Variants in NKAIN3 observed in about 807,000 individuals in gnomAD.
The protein encoded by NKAIN3 is sodium/potassium transporting ATPase interacting 3.
In NKAIN3, 25 loss-of-function variants were observed where a neutral mutation model predicts 30.2. The observed-to-expected ratio is 0.83, with a 90% CI of 0.60 to 1.16. The LOEUF is 1.16. NKAIN3 is among the 50% of genes most tolerant of loss of function. The pLI is 0.00. For synonymous variants in NKAIN3, 91 were observed against 89.6 expected, an observed-to-expected ratio of 1.02 and a Z score of -0.09; for missense variants, 225 against 254.1, an observed-to-expected ratio of 0.89 and a Z score of 0.78.
intron 1 of NKAIN3, among the ~76,000 whole-genome samples, chr8:62,285,936 G>A (rs1407617040): frequency 1.3e-5 from 2 of 152,156 alleles, no homozygotes; most frequent in African/African-American, 4.8e-5. Context: ...GCATGTGGGC[G>A]TATTTATGTA....
intron 1 of NKAIN3, among the ~76,000 whole-genome samples, chr8:62,333,462 A>T (rs1815423645): frequency 6.6e-6 from 1 of 152,102 alleles, no homozygotes; most frequent in Admixed American, 6.6e-5. Flanking sequence ...TAGGTGTACC[A>T]GGGGCTACTT....
intron 1 of NKAIN3, among the ~76,000 whole-genome samples, chr8:62,352,662 C>CT (rs1418066920): frequency 1.3e-5 from 2 of 152,124 alleles, no homozygotes; most frequent in African/African-American, 4.8e-5. Flanking sequence ...GAAAAGGTTG[C>CT]TTTTTATCTC....
At chr8:62,850,880 C>G (rs1419901753) in intron 4 of NKAIN3, among the ~76,000 whole-genome samples, 1 of 152,064 alleles carries the variant, frequency 6.6e-6, no homozygotes, top group Non-Finnish European at 1.5e-5. Context: ...AGTTTGAAGT[C>G]AGGTAGCGTG....
At chr8:62,871,622 G>A (rs938549238) in intron 4 of NKAIN3, among the ~76,000 whole-genome samples, 1 of 152,218 alleles carries the variant, frequency 6.6e-6, no homozygotes, top group Non-Finnish European at 1.5e-5. Flanking sequence ...CTGAAGTCAG[G>A]GCATGGGATG....
At chr8:62,355,966 G>A (rs1816339226) in intron 1 of NKAIN3, among the ~76,000 whole-genome samples, 1 of 152,058 alleles carries the variant, frequency 6.6e-6, no homozygotes, top group Admixed American at 6.6e-5. Context: ...GTAGTTTGTG[G>A]CTTTTAAAGA....
chr8:62,670,588 C>T (rs560389662), intron 3 of NKAIN3, among the ~76,000 whole-genome samples: 31 of 148,536 alleles, frequency 2.1e-4, no homozygotes, highest in African/African-American at 7.9e-4. Context: ...TAGTCTCTTC[C>T]TAATAGGCCC....
chr8:62,398,554 T>C (rs895915644), intron 1 of NKAIN3, among the ~76,000 whole-genome samples: 1 of 152,190 alleles, frequency 6.6e-6, no homozygotes, highest in African/African-American at 2.4e-5. Flanking sequence ...AAGTACATGG[T>C]AGTAATTTAA....
chr8:62,948,488 G>A (rs564930097), intron 5 of NKAIN3, among the ~76,000 whole-genome samples: 9 of 152,214 alleles, frequency 5.9e-5, no homozygotes, highest in African/African-American at 1.9e-4. Context: ...GTGAGCCACC[G>A]CACCTGGCCA....
chr8:62,350,444 G>A (rs1816144635), intron 1 of NKAIN3, among the ~76,000 whole-genome samples: 1 of 152,074 alleles, frequency 6.6e-6, no homozygotes, highest in South Asian at 2.1e-4. Context: ...AAAGAGTGGT[G>A]GTTACTGGGG....
At chr8:62,756,656 C>A (rs557549300) in intron 4 of NKAIN3, among the ~76,000 whole-genome samples, 4 of 152,098 alleles carry the variant, frequency 2.6e-5, no homozygotes, top group Non-Finnish European at 5.9e-5. Context: ...ACACGGATGC[C>A]TGGTCTTATA....
intron 3 of NKAIN3, among the ~76,000 whole-genome samples, chr8:62,614,722 T>G (rs1233782239): frequency 1.3e-5 from 2 of 152,026 alleles, no homozygotes; most frequent in Non-Finnish European, 2.9e-5. Context: ...CCACAAGATA[T>G]AGTTCTTCCC....
At chr8:62,863,163 G>C in intron 4 of NKAIN3, 6 of 1,515,464 alleles carry the variant, frequency 4.0e-6, no homozygotes, top group Non-Finnish European at 5.5e-6. Context: ...TTTTCCTTTC[G>C]GCTTCTTGCT....
intron 4 of NKAIN3, among the ~76,000 whole-genome samples, chr8:62,874,518 G>T (rs1045588022): frequency 6.6e-6 from 1 of 152,140 alleles, no homozygotes; most frequent in African/African-American, 2.4e-5. Flanking sequence ...AACAAAAAAA[G>T]AAAACTTCAG....
chr8:62,637,386 T>C (rs1226429104), intron 3 of NKAIN3, among the ~76,000 whole-genome samples: 1 of 152,184 alleles, frequency 6.6e-6, no homozygotes, highest in Admixed American at 6.5e-5. Flanking sequence ...TTTTGCTCTT[T>C]TCTGGCCCCG....
intron 1 of NKAIN3, among the ~76,000 whole-genome samples, chr8:62,414,216 T>C (rs1804357431): frequency 6.6e-6 from 1 of 152,198 alleles, no homozygotes; most frequent in South Asian, 2.1e-4. Flanking sequence ...CATAGATTGC[T>C]TTATTTTAAG....
chr8:62,392,066 A>G (rs1421276427), intron 1 of NKAIN3, among the ~76,000 whole-genome samples: 1 of 152,054 alleles, frequency 6.6e-6, no homozygotes, highest in Admixed American at 6.6e-5. Flanking sequence ...AAAGCCCTAA[A>G]AAGTATTTAG....
At chr8:62,753,181 A>G (rs2130599257) in intron 4 of NKAIN3, among the ~76,000 whole-genome samples, 1 of 149,890 alleles carries the variant, frequency 6.7e-6, no homozygotes, top group East Asian at 2.0e-4. Context: ...TACTCTGGGA[A>G]TTTAATACCA....
At chr8:62,335,172 A>G (rs1335087840) in intron 1 of NKAIN3, among the ~76,000 whole-genome samples, 2 of 151,998 alleles carry the variant, frequency 1.3e-5, no homozygotes, top group African/African-American at 4.8e-5. Context: ...CAGTGGCTCA[A>G]GCCTGTAATT....
At chr8:62,424,620 A>G (rs916039615) in intron 1 of NKAIN3, among the ~76,000 whole-genome samples, 10 of 151,940 alleles carry the variant, frequency 6.6e-5, no homozygotes, top group Non-Finnish European at 1.5e-4. Context: ...ACACCTGTTC[A>G]GATGGCTGTT....
Sources: allele counts gnomAD v4.1 joint callset (sites outside exome capture counted in the v4.1 genomes callset), GRCh38; gene constraint gnomAD v4.1.1; transcripts MANE v1.5; gene names NCBI Gene and HGNC (gene_info 2026-07-23, HGNC 2026-07-21).